PACRG: variants seen among roughly 807,000 people sequenced by gnomAD.
PACRG encodes parkin coregulated.
A neutral mutation model predicts 29.7 loss-of-function variants in PACRG; 29 were observed. The observed-to-expected ratio is 0.98, with a 90% CI of 0.73 to 1.33. The LOEUF (loss-of-function observed/expected upper bound fraction) is 1.33, where lower values mean the gene tolerates loss of function less well. Ranked by LOEUF, PACRG falls within the 40% of genes most tolerant of loss-of-function variation. PACRG has a pLI of 0.00. For synonymous variants in PACRG, 116 were observed against 118.7 expected (o/e 0.98, Z 0.15); for missense variants, 279 against 316.2 (o/e 0.88, Z 0.89).
At position 163,162,918 on chromosome 6, in the gene PACRG, T is replaced by C. The variant is rs772716542; in HGVS notation, c.613+73510T>C. On this transcript the variant is annotated intron_variant, in intron 4 of 4. Coordinates refer to ENST00000366888, the MANE Select transcript of PACRG (RefSeq NM_001080379.2). The stretch of plus-strand genomic sequence containing the variant: ...AGCACAGTAGGGTTGTCAAGGGTTG[T>C]CAAGGGCAGCACAGAGCCAGGGAGG... 2.5e-4 allele frequency among the ~76,000 whole-genome samples: 38 copies of C among 151,508 alleles called. 1 individual carries two copies. Among genetic ancestry groups the C allele is most frequent in the Non-Finnish European group, 5.0e-4 (34 of 68,038 alleles).
intron 2 of PACRG, among the ~76,000 whole-genome samples, chr6:162,874,427 G>A (rs995728257): frequency 6.6e-6 from 1 of 152,028 alleles, no homozygotes; most frequent in African/African-American, 2.4e-5. Flanking sequence ...TTCCTTCTTA[G>A]AGTGATAGCC....
At position 163,153,315 on chromosome 6, in the gene PACRG, G is replaced by A. The variant is rs549386167; in HGVS notation, c.613+63907G>A. 4.6e-5 allele frequency among the ~76,000 whole-genome samples: 7 copies of A among 152,300 alleles called. No homozygotes were observed. In the South Asian group the frequency reaches 1.5e-3, roughly 32 times the overall value. On this transcript the variant is annotated intron_variant, in intron 4 of 4. Transcript: ENST00000366888. The stretch of plus-strand genomic sequence containing the variant: ...GGAGTGGTGCCCTGTGAGGGAAGGG[G>A]TGGGCACTCCTGGATCCCCCTGAGC...
At position 162,963,726 on chromosome 6, in the gene PACRG, A is replaced by C. The variant is rs993005413; in HGVS notation, c.292-98424A>C. Among the ~76,000 whole-genome samples, 3 of 146,206 alleles carry C rather than the reference A, an allele frequency of 2.1e-5. No homozygotes were observed. In the East Asian group the frequency reaches 6.1e-4, roughly 30 times the overall value. On this transcript the variant is annotated intron_variant, in intron 2 of 4. Coordinates refer to ENST00000366888, the MANE Select transcript of PACRG (RefSeq NM_001080379.2). ...TTTTATACATATAAAATTATTTTAT[A>C]TGTATAAAATAATTGTTACTGACCT... is the stretch of plus-strand genomic sequence containing the variant.
At chr6:162,842,410 G>A (rs1789871419) in intron 2 of PACRG, among the ~76,000 whole-genome samples, 1 of 151,306 alleles carries the variant, frequency 6.6e-6, no homozygotes, top group African/African-American at 2.4e-5. Context: ...CAGAGACTAG[G>A]ATTGCAGCCC....
intron 2 of PACRG, among the ~76,000 whole-genome samples, chr6:162,924,038 G>A (rs1344639939): frequency 6.6e-6 from 1 of 151,652 alleles, no homozygotes; most frequent in African/African-American, 2.4e-5. Flanking sequence ...CTTTTTTTGG[G>A]GGAGTGGGGT....
At chr6:163,166,231 C>T (rs950900293) in intron 4 of PACRG, 2 of 455,960 alleles carry the variant, frequency 4.4e-6, no homozygotes, top group African/African-American at 4.0e-5. Flanking sequence ...TCCCTGCTCT[C>T]CTCTTTGACT....
intron 4 of PACRG, among the ~76,000 whole-genome samples, chr6:163,165,032 C>T (rs1342152833): frequency 6.6e-6 from 1 of 152,022 alleles, no homozygotes; most frequent in South Asian, 2.1e-4. Flanking sequence ...GTGCCTTACA[C>T]GTATGTTAGG....
intron 4 of PACRG, among the ~76,000 whole-genome samples, chr6:163,197,434 C>CTTTTTTTTTTTTTTTTTTTTT (rs57942658): frequency 9.4e-6 from 1 of 106,242 alleles, no homozygotes; most frequent in African/African-American, 3.5e-5. Context: ...CTTTTCTTTT[C>CTTTTTTTTTTTTTTTTTTTTT]TTTTTTTTTT....
intron 4 of PACRG, chr6:163,190,831 C>T (rs1480797891): frequency 5.3e-6 from 2 of 380,646 alleles, no homozygotes; most frequent in Non-Finnish European, 1.1e-5. Flanking sequence ...ACAACTTCGT[C>T]TTCTTTCACT....
rs1328410475 is a variant in PACRG, at chr6:163,282,991, G to A, written c.614-31836G>A. On this transcript the variant is annotated intron_variant, in intron 4 of 4. Transcript: ENST00000366888. ...AGTGGTTATCATTTTATTAAAAAAA[G>A]AAGCTCTTGAATGTTTTTTACTACT... 2.0e-5 allele frequency among the ~76,000 whole-genome samples: 3 copies of A among 152,340 alleles called. No individual in the cohort carries two copies. The South Asian group carries it at 6.2e-4, about 32-fold the overall frequency.
At chr6:162,882,189 G>A (rs1343604530) in intron 2 of PACRG, among the ~76,000 whole-genome samples, 1 of 138,556 alleles carries the variant, frequency 7.2e-6, no homozygotes, top group Non-Finnish European at 1.6e-5. Flanking sequence ...GAGACTGGGG[G>A]TGGGGGGGCG....
At chr6:162,831,022 G>A (rs1788723933) in intron 2 of PACRG, among the ~76,000 whole-genome samples, 1 of 152,122 alleles carries the variant, frequency 6.6e-6, no homozygotes, top group South Asian at 2.1e-4. Flanking sequence ...TATTCTGCCT[G>A]CTATTAAAAC....
chr6:162,965,882 G>A (rs1440477039), intron 2 of PACRG, among the ~76,000 whole-genome samples: 1 of 152,226 alleles, frequency 6.6e-6, no homozygotes, highest in Non-Finnish European at 1.5e-5. Context: ...ATGAGAATAA[G>A]GAGGCTAAAG....
chr6:163,117,628 G>C (rs1816067731), intron 4 of PACRG, among the ~76,000 whole-genome samples: 1 of 151,946 alleles, frequency 6.6e-6, no homozygotes, highest in African/African-American at 2.4e-5. Flanking sequence ...GTGGGAACCT[G>C]TAATCCCAGC....
chr6:162,999,007 C>G (rs530138086), intron 2 of PACRG, among the ~76,000 whole-genome samples: 101 of 152,306 alleles, frequency 6.6e-4, no homozygotes, highest in Non-Finnish European at 1.2e-3. Context: ...CCAGCAGTCA[C>G]AGCACCAGTC....
chr6:162,811,652 C>CA (rs1327221479), intron 1 of PACRG, among the ~76,000 whole-genome samples: 3 of 152,024 alleles, frequency 2.0e-5, no homozygotes, highest in Admixed American at 2.0e-4. Context: ...AGAGCATCTA[C>CA]AAAAAATTTT....
chr6:163,087,057 G>A lies in PACRG; in HGVS notation c.464-2202G>A, dbSNP rs80127830. 6.0e-3 allele frequency among the ~76,000 whole-genome samples: 919 copies of A among 152,206 alleles called. 6 individuals are homozygous for A. The highest frequency in any genetic ancestry group is 0.021 in the African/African-American group (874 of 41,556). The stretch of plus-strand genomic sequence containing the variant: ...GATAAGCTTGAGGGAGGGTAACCCC[G>A]CGGTACCTTGAAAGACAGGTTGGGG... On this transcript the variant is annotated intron_variant, in intron 3 of 4. Coordinates refer to ENST00000366888, the MANE Select transcript of PACRG (RefSeq NM_001080379.2).
At chr6:163,148,247 G>A (rs992015997) in intron 4 of PACRG, among the ~76,000 whole-genome samples, 10 of 152,158 alleles carry the variant, frequency 6.6e-5, no homozygotes, top group Non-Finnish European at 1.2e-4. Context: ...GAGTTTTCAC[G>A]TCAGTCATCT....
At chr6:162,903,991 C>T (rs79629162) in intron 2 of PACRG, among the ~76,000 whole-genome samples, 1 of 152,150 alleles carries the variant, frequency 6.6e-6, no homozygotes, top group Non-Finnish European at 1.5e-5. Flanking sequence ...GGCAGGCCAG[C>T]AGCCTGGAAA....
Sources: gnomAD v4.1 joint callset for allele counts (sites outside exome capture counted in the v4.1 genomes callset) on GRCh38, gnomAD v4.1.1 for gene constraint, MANE v1.5 for transcripts, NCBI Gene and HGNC (gene_info 2026-07-23, HGNC 2026-07-21) for gene names.